Variants in OSBPL8 observed in about 807,000 individuals in gnomAD.
The protein encoded by OSBPL8 is oxysterol-binding protein-related protein 8.
OSBPL8 carries 59 observed loss-of-function variants against 125.5 expected under a neutral mutation model. The observed-to-expected ratio is 0.47, with a 90% CI of 0.38 to 0.58. The LOEUF (loss-of-function observed/expected upper bound fraction) is 0.58. Ranked by LOEUF, OSBPL8 falls within the 20% of genes least tolerant of loss-of-function variation. OSBPL8 has a pLI of 0.00. For synonymous variants in OSBPL8, 330 were observed against 338.9 expected (o/e 0.97, Z 0.29); for missense variants, 758 against 1,047.8 (o/e 0.72, Z 3.82).
chr12:76,557,501 G>C (rs1951141737), intron 1 of OSBPL8, among the ~76,000 whole-genome samples: 1 of 151,508 alleles, frequency 6.6e-6, no homozygotes, highest in African/African-American at 2.4e-5. Context: ...TGTAATCCCA[G>C]CTACTCAGGA....
At chr12:76,519,314 G>A (rs916024412) in intron 1 of OSBPL8, among the ~76,000 whole-genome samples, 2 of 152,142 alleles carry the variant, frequency 1.3e-5, no homozygotes, top group Non-Finnish European at 2.9e-5. Flanking sequence ...CTTTACTCCA[G>A]TCCCCAACAA....
intron 4 of OSBPL8, chr12:76,423,180 A>T (rs183020800): frequency 6.6e-6 from 1 of 152,256 alleles, no homozygotes; most frequent in Non-Finnish European, 1.5e-5. Context: ...TTCTAGATTT[A>T]TATCTAATCT....
rs573409160 is a variant in OSBPL8 at position 76,526,635 on chromosome 12, CTTTTTTTTTTTTTTTTT to C, written c.-68+32745_-68+32761del. ...TGTTATACTTGCTATCAGTAAATCT[CTTTTTTTTTTTTTTTTT>C]TTTTTTTTTTTTTTTTGAGACAGGG... On this transcript the variant is annotated intron_variant, in intron 1 of 23. Transcript: ENST00000261183. Among the ~76,000 whole-genome samples, 126 of 64,280 alleles carry C rather than the reference CTTTTTTTTTTTTTTTTT, an allele frequency of 2.0e-3. 1 individual carries two copies. The highest frequency in any genetic ancestry group is 6.0e-3 in the African/African-American group (115 of 19,068). The allele number at this position is 64,280 out of a possible 152,430, so 42.2% of individuals were successfully genotyped here. A position where few individuals can be genotyped will look rare whatever the true frequency, so the allele number is the denominator to read the frequency against.
chr12:76,558,830 C>G (rs1951187018), intron 1 of OSBPL8, among the ~76,000 whole-genome samples: 1 of 152,222 alleles, frequency 6.6e-6, no homozygotes, highest in Non-Finnish European at 1.5e-5. Flanking sequence ...TGAGAGAGGG[C>G]TTAGAAACAA....
chr12:76,417,082 ATCTC>A (rs1223720765), intron 4 of OSBPL8, among the ~76,000 whole-genome samples: 3 of 152,256 alleles, frequency 2.0e-5, no homozygotes, highest in Non-Finnish European at 2.9e-5. Flanking sequence ...TATATTGCAA[ATCTC>A]TCTCTCTTCT....
intron 21 of OSBPL8, among the ~76,000 whole-genome samples, chr12:76,365,873 C>T (rs552496906): frequency 6.6e-6 from 1 of 152,260 alleles, no homozygotes; most frequent in African/African-American, 2.4e-5. Context: ...TTTCCCCCCT[C>T]TTAATGTGAT....
intron 23 of OSBPL8, 141 bp from the exon 24 acceptor site, chr12:76,356,162 T>TGGGGGGGGGGGGGTGGGGGGGGG: frequency 7.6e-6 from 1 of 131,274 alleles, no homozygotes; most frequent in Non-Finnish European, 1.6e-5. Context: ...TATGTAGGGG[T>TGGGGGGGGGGGGGTGGGGGGGGG]GGGGGGGGGC....
At chr12:76,538,196 A>C (rs944822065) in intron 1 of OSBPL8, among the ~76,000 whole-genome samples, 1 of 152,190 alleles carries the variant, frequency 6.6e-6, no homozygotes. Flanking sequence ...TATATTATAC[A>C]TCAATGTAGT....
intron 2 of OSBPL8, among the ~76,000 whole-genome samples, chr12:76,483,441 G>A (rs1303654751): frequency 1.3e-5 from 2 of 150,782 alleles, no homozygotes; most frequent in African/African-American, 4.9e-5. Flanking sequence ...GCGTGCACCT[G>A]TAATCCCAGC....
At chr12:76,458,963 A>G (rs1050739167) in intron 3 of OSBPL8, among the ~76,000 whole-genome samples, 2 of 152,218 alleles carry the variant, frequency 1.3e-5, no homozygotes, top group African/African-American at 2.4e-5. Flanking sequence ...ATAATTTTCT[A>G]TATTATTCAT....
At chr12:76,430,138 C>T (rs563847306) in intron 4 of OSBPL8, among the ~76,000 whole-genome samples, 2 of 152,236 alleles carry the variant, frequency 1.3e-5, no homozygotes, top group East Asian at 3.9e-4. Context: ...AGTGGTAATA[C>T]ACCCAACCAC....
At chr12:76,411,167 T>A (rs908748677) in intron 4 of OSBPL8, among the ~76,000 whole-genome samples, 1 of 152,204 alleles carries the variant, frequency 6.6e-6, no homozygotes, top group African/African-American at 2.4e-5. Context: ...TATTATCATT[T>A]TCTATTCTTA....
intron 1 of OSBPL8, among the ~76,000 whole-genome samples, chr12:76,532,434 TAATGAATAC>T (rs1180459910): frequency 6.6e-6 from 1 of 152,200 alleles, no homozygotes; most frequent in Non-Finnish European, 1.5e-5. Flanking sequence ...AAGTAATTAA[TAATGAATAC>T]AATGAATGCT....
rs73383566 is a variant in OSBPL8, at chr12:76,424,915, T to C, written c.218-14281A>G. Among the ~76,000 whole-genome samples the C allele has an allele frequency of 8.3e-3, 1,258 of 152,286 alleles. 15 individuals carry two copies. The highest frequency in any genetic ancestry group is 0.029 in the African/African-American group (1,195 of 41,540). ...TATATTAACAACATAAATTTGACACTGCAAAGCTCGAGATGAACAAGTAGT... is the reference window on the plus strand; with the variant it reads ...TATATTAACAACATAAATTTGACACCGCAAAGCTCGAGATGAACAAGTAGT... On this transcript the variant is annotated intron_variant, in intron 4 of 23. Coordinates refer to ENST00000261183, the MANE Select transcript of OSBPL8 (RefSeq NM_020841.5).
At chr12:76,445,382 C>T (rs1487067272) in intron 4 of OSBPL8, among the ~76,000 whole-genome samples, 1 of 151,952 alleles carries the variant, frequency 6.6e-6, no homozygotes, top group African/African-American at 2.4e-5. Flanking sequence ...ATAAATTGGG[C>T]ATCAATGAAA....
intron 6 of OSBPL8, among the ~76,000 whole-genome samples, chr12:76,400,400 T>C (rs528528871): frequency 1.1e-4 from 16 of 152,368 alleles, no homozygotes; most frequent in South Asian, 4.1e-4. Flanking sequence ...CAGTCTCTCA[T>C]TGATGGGCAT....
chr12:76,370,811 C>A (rs894098862), intron 19 of OSBPL8, among the ~76,000 whole-genome samples: 5 of 152,120 alleles, frequency 3.3e-5, no homozygotes, highest in African/African-American at 1.2e-4. Context: ...GTAGGGAGGA[C>A]AAAGTTGCAT....
chr12:76,369,952 G>A (rs1296242579), intron 19 of OSBPL8, 130 bp from the exon 20 acceptor site: 5 of 769,568 alleles, frequency 6.5e-6, no homozygotes, highest in East Asian at 5.5e-5. Flanking sequence ...CAACACTTAT[G>A]CTCATAGGCT....
At chr12:76,495,922 A>T (rs1183261171) in intron 1 of OSBPL8, among the ~76,000 whole-genome samples, 1 of 152,142 alleles carries the variant, frequency 6.6e-6, no homozygotes, top group Non-Finnish European at 1.5e-5. Context: ...TATTAGAAAA[A>T]TGTTGGAGCT....
Sources: gnomAD v4.1 joint callset for allele counts (sites outside exome capture counted in the v4.1 genomes callset) on GRCh38, gnomAD v4.1.1 for gene constraint, MANE v1.5 for transcripts, NCBI Gene and HGNC (gene_info 2026-07-23, HGNC 2026-07-21) for gene names.